Variants in VARS1 observed in about 807,000 individuals in gnomAD.
VARS1 encodes valine--tRNA ligase.
In VARS1, 92 loss-of-function variants were observed where a neutral mutation model predicts 161.0. That is an observed-to-expected ratio of 0.57 (90% CI 0.48 to 0.68). The LOEUF (loss-of-function observed/expected upper bound fraction) is 0.68. VARS1 is among the 30% of genes least tolerant of loss of function. The pLI, the probability that VARS1 is intolerant of heterozygous loss-of-function variation, is 0.00. For missense variants in VARS1, 1,338 were observed against 1,695.9 expected (o/e 0.79, Z 3.71); for synonymous variants, 595 against 682.5 (o/e 0.87, Z 2.00).
Position 31,781,740 on chromosome 6 carries a change from C to G in VARS1, c.2369G>C (p.Trp790Ser). 1 of 1,613,056 alleles carries G rather than the reference C, an allele frequency of 6.2e-7. No individual in the cohort carries two copies. Among genetic ancestry groups the G allele is most frequent in the Non-Finnish European group, 8.5e-7 (1 of 1,180,008 alleles). The change falls in exon 20 of 30, where the codon TGG becomes TCG. Residue 790 changes from tryptophan (W) to serine (S), a missense_variant. This residue lies in a region of VARS1 where 902 missense variants were observed against 1,090.3 expected (regional missense o/e 0.83). Coordinates refer to ENST00000375663, the MANE Select transcript of VARS1 (RefSeq NM_006295.3). The surrounding 1 kb of genome is among the most constrained non-coding windows in gnomAD (Gnocchi z 6.8). Reference protein sequence around the residue: ...LQQDEDVLDTWFSSGLFPLSI... With the variant: ...LQQDEDVLDTSFSSGLFPLSI... ...TAAGGGGAAGAGGCCAGAGGAGAACCAGGTATCCAATACATCCTCATCTGA... is the reference window on the plus strand; with the variant it reads ...TAAGGGGAAGAGGCCAGAGGAGAACGAGGTATCCAATACATCCTCATCTGA...
In VARS1 at chr6:31,780,195, G is replaced by A; in HGVS notation, c.2926-42C>T. On this transcript the variant is annotated intron_variant, in intron 25 of 29. Coordinates refer to ENST00000375663, the MANE Select transcript of VARS1 (RefSeq NM_006295.3). This position sits in a 1 kb window ranked among gnomAD's most constrained non-coding sequence, Gnocchi z 5.1. ...GTATCAGCCGGCGGGCCAGGGGAGG[G>A]TGCCAGAACCCCATGGGGGCAGGAG... 1 of 1,607,904 alleles carries A rather than the reference G, an allele frequency of 6.2e-7. No homozygotes were observed. Among genetic ancestry groups the A allele is most frequent in the Non-Finnish European group, 8.5e-7 (1 of 1,178,852 alleles).
rs375429497 is a variant in VARS1, at chr6:31,782,705, C to A, written c.1887+16G>T. 1.9e-6 allele frequency: 3 copies of A among 1,612,876 alleles called. No homozygotes were observed. In the African/African-American group the frequency reaches 4.0e-5, roughly 22 times the overall value. On this transcript the variant is annotated intron_variant, in intron 15 of 29. Coordinates refer to ENST00000375663, the MANE Select transcript of VARS1 (RefSeq NM_006295.3). The surrounding 1 kb of genome is among the most constrained non-coding windows in gnomAD (Gnocchi z 8.3). ...CATCTCCCTGACCCGGGCACTCTTG[C>A]CTCAGGCAGCCTCACCAGGAAAGGC... is the stretch of plus-strand genomic sequence containing the variant.
chr6:31,782,211 C>G lies in VARS1; in HGVS notation c.2151-34G>C. 6.2e-7 allele frequency: 1 copy of G among 1,611,414 alleles called. No individual in the cohort carries two copies. Among genetic ancestry groups the G allele is most frequent in the African/African-American group, 1.3e-5 (1 of 75,038 alleles). Reference sequence around the variant, plus strand: ...GTCGGGGAGGAGAAATCAGGGAGGGCCTGATGGAGCCTGGCCCGAGTGAGC... The same window carrying G: ...GTCGGGGAGGAGAAATCAGGGAGGGGCTGATGGAGCCTGGCCCGAGTGAGC... On this transcript the variant is annotated intron_variant, in intron 17 of 29. Coordinates refer to ENST00000375663, the MANE Select transcript of VARS1 (RefSeq NM_006295.3). This position sits in a 1 kb window ranked among gnomAD's most constrained non-coding sequence, Gnocchi z 8.3.
chr6:31,789,251 C>CA lies in VARS1; in HGVS notation c.1100+2358dup, dbSNP rs201078154. On this transcript the variant is annotated intron_variant, in intron 8 of 29. Coordinates refer to ENST00000375663, the MANE Select transcript of VARS1 (RefSeq NM_006295.3). ...ATACCCAGAACAGGTAAAGAATTCT[C>CA]AAAAAAAAAATTAAAAAGAAAAAGA... Among the ~76,000 whole-genome samples the CA allele has an allele frequency of 1.6e-3, 227 of 142,700 alleles. 3 individuals carry two copies. The South Asian group carries it at 0.039, about 25-fold the overall frequency. 93.6% of individuals were successfully genotyped at this position (142,700 alleles called of 152,430 possible). A position where few individuals can be genotyped will look rare whatever the true frequency, so the allele number is the denominator to read the frequency against.
At chr6:31,788,617 C>T (rs1813669555) in intron 8 of VARS1, among the ~76,000 whole-genome samples, 3 of 149,990 alleles carry the variant, frequency 2.0e-5, no homozygotes, top group Admixed American at 1.3e-4. Flanking sequence ...CCATCCTGGC[C>T]GACAGGGTGA....
rs768532513 is a variant in VARS1 at position 31,785,633 on chromosome 6, C to T, written c.1201G>A (p.Gly401Arg). Reference sequence around the variant, plus strand: ...CGGCCCAGCTGGTGCCGGCTCAGTCCCTGCTCACGCCATAGCTTCTTCTCC... The same window carrying T: ...CGGCCCAGCTGGTGCCGGCTCAGTCTCTGCTCACGCCATAGCTTCTTCTCC... ...VVEKKLWREQ[G>R]LSRHQLGREA... The change falls in exon 9 of 30, where the codon GGA (glycine) becomes AGA (arginine). Residue 401 changes from glycine to arginine, a missense_variant. Physicochemically the swap from Gly to Arg is moderately radical, Grantham distance 125. Transcript: ENST00000375663. This position sits in a 1 kb window ranked among gnomAD's most constrained non-coding sequence, Gnocchi z 6.1. The T allele has an allele frequency of 1.2e-6, 2 of 1,613,018 alleles. No individual in the cohort carries two copies. Among genetic ancestry groups the T allele is most frequent in the South Asian group, 1.1e-5 (1 of 91,090 alleles).
intron 8 of VARS1, among the ~76,000 whole-genome samples, chr6:31,787,884 C>T (rs1267917931): frequency 6.6e-6 from 1 of 151,936 alleles, no homozygotes; most frequent in Non-Finnish European, 1.5e-5. Flanking sequence ...TTTGGGACGC[C>T]GAGGTACGCG....
chr6:31,792,765 T>C lies in VARS1; in HGVS notation c.653A>G (p.His218Arg). Reference sequence around the variant, plus strand: ...TCCTCGCCCTTCCTCACCTGGCTGATGAGAGAGAGGCCTGGCTCCTGAGTA... The same window carrying C: ...TCCTCGCCCTTCCTCACCTGGCTGACGAGAGAGAGGCCTGGCTCCTGAGTA... ...VLYSGARPLS[H>R]QPGPEAPALP... Residue 218 changes from histidine (H) to arginine (R), a missense_variant, in exon 4 of 30, where the codon CAT (histidine) becomes CGT (arginine). Around this residue, in one of 3 missense-constraint regions of VARS1, gnomAD observed 902 missense variants for 1,090.3 expected, o/e 0.83. Coordinates refer to ENST00000375663, the MANE Select transcript of VARS1 (RefSeq NM_006295.3). 2 of 1,613,342 alleles carry C rather than the reference T, an allele frequency of 1.2e-6. No homozygotes were observed. Among genetic ancestry groups the C allele is most frequent in the Non-Finnish European group, 1.7e-6 (2 of 1,179,356 alleles).
At chr6:31,793,686 G>C (rs1463643662) in intron 2 of VARS1, among the ~76,000 whole-genome samples, 1 of 152,142 alleles carries the variant, frequency 6.6e-6, no homozygotes, top group Non-Finnish European at 1.5e-5. Context: ...AGGAAAACAC[G>C]AACAGATGGA....
intron 8 of VARS1, among the ~76,000 whole-genome samples, chr6:31,786,310 C>T (rs976212574): frequency 1.1e-4 from 17 of 151,458 alleles, no homozygotes; most frequent in African/African-American, 3.6e-4. Context: ...AGCTGGAACC[C>T]TTGTGATTCT....
chr6:31,791,144 C>T lies in VARS1; in HGVS notation c.1100+466G>A, dbSNP rs1316904321. ...CCGGCCTGGGCAACAGAACAAGACT[C>T]TGTCCCCCCAAAAAAAAATATATAT... On this transcript the variant is annotated intron_variant, in intron 8 of 29. Coordinates refer to ENST00000375663, the MANE Select transcript of VARS1 (RefSeq NM_006295.3). The surrounding 1 kb of genome is among the most constrained non-coding windows in gnomAD (Gnocchi z 5.0). Among the ~76,000 whole-genome samples, 2 of 151,948 alleles carry T rather than the reference C, an allele frequency of 1.3e-5. No homozygotes were observed. Among genetic ancestry groups the T allele is most frequent in the African/African-American group, 4.8e-5 (2 of 41,366 alleles).
intron 5 of VARS1, 30 bp downstream of exon 5, chr6:31,792,362 A>G (rs760252349): frequency 1.2e-6 from 2 of 1,613,716 alleles, no homozygotes; most frequent in Non-Finnish European, 1.7e-6. Context: ...GCACACATCA[A>G]CTTTCCTTCC....
chr6:31,789,749 A>C (rs1345337947), intron 8 of VARS1, among the ~76,000 whole-genome samples: 1 of 152,172 alleles, frequency 6.6e-6, no homozygotes, highest in Non-Finnish European at 1.5e-5. Context: ...GGCTGGGAGC[A>C]GTGGCTCACG....
chr6:31,784,170 C>CT lies in VARS1; in HGVS notation c.1671+43dup. Reference sequence around the variant, plus strand: ...CCTCCACCCCATAAGGATGGGAGCCCTTTTTGGCCAGAACTCCTTCCCTAA... The same window carrying CT: ...CCTCCACCCCATAAGGATGGGAGCCCTTTTTTGGCCAGAACTCCTTCCCTAA... On this transcript the variant is annotated intron_variant, in intron 13 of 29. Coordinates refer to ENST00000375663, the MANE Select transcript of VARS1 (RefSeq NM_006295.3). The surrounding 1 kb of genome is among the most constrained non-coding windows in gnomAD (Gnocchi z 6.1). The CT allele has an allele frequency of 6.2e-7, 1 of 1,611,666 alleles. No individual in the cohort carries two copies. Among genetic ancestry groups the CT allele is most frequent in the South Asian group, 1.1e-5 (1 of 90,868 alleles).
At position 31,780,698 on chromosome 6, in the gene VARS1, G is replaced by A; in HGVS notation, c.2797+7C>T. 1 of 1,614,108 alleles carries A rather than the reference G, an allele frequency of 6.2e-7. No individual in the cohort carries two copies. The highest frequency in any genetic ancestry group is 1.1e-5 in the South Asian group (1 of 91,088). On this transcript the variant is annotated splice_region_variant and intron_variant, in intron 24 of 29. Transcript: ENST00000375663. This position sits in a 1 kb window ranked among gnomAD's most constrained non-coding sequence, Gnocchi z 5.1. ...AGTGGCTGGGAGGGACGCTTTGGGG[G>A]CCATACCCTGGGACATGTAGGCACA...
chr6:31,780,487 G>A lies in VARS1; in HGVS notation c.2879C>T (p.Ala960Val). 2 of 1,614,070 alleles carry A rather than the reference G, an allele frequency of 1.2e-6. No individual in the cohort carries two copies. Among genetic ancestry groups the A allele is most frequent in the Non-Finnish European group, 1.7e-6 (2 of 1,180,006 alleles). The change falls in exon 25 of 30, where the codon GCC becomes GTC. Residue 960 changes from alanine to valine, a missense_variant. Physicochemically the swap from Ala to Val is moderately conservative, Grantham distance 64. Transcript: ENST00000375663. The surrounding 1 kb of genome is among the most constrained non-coding windows in gnomAD (Gnocchi z 5.1). Reference sequence around the variant, plus strand: ...AAAACCCTTCCCAAGGCCACGAAGGGCAAACTTGGTGGCATTCCAGAGCTT... The same window carrying A: ...AAAACCCTTCCCAAGGCCACGAAGGACAAACTTGGTGGCATTCCAGAGCTT... ...CNKLWNATKF[A>V]LRGLGKGFVP...
At position 31,782,821 on chromosome 6, in the gene VARS1, T is replaced by A. The variant is rs946811800; in HGVS notation, c.1787A>T (p.His596Leu). The change falls in exon 15 of 30, where the codon CAT becomes CTT. Residue 596 changes from histidine to leucine, a missense_variant. By Grantham distance (99) the His-to-Leu change is moderately conservative. Coordinates refer to ENST00000375663, the MANE Select transcript of VARS1 (RefSeq NM_006295.3). The surrounding 1 kb of genome is among the most constrained non-coding windows in gnomAD (Gnocchi z 8.3). ...GTGAVKITPA[H>L]DQNDYEVGQR... ...CCCAACTTCATAGTCATTTTGGTCA[T>A]GTGCGGGGGTGATCTTCACAGCACC... is the stretch of plus-strand genomic sequence containing the variant. The A allele has an allele frequency of 6.2e-7, 1 of 1,612,622 alleles. No individual in the cohort carries two copies. Among genetic ancestry groups the A allele is most frequent in the Non-Finnish European group, 8.5e-7 (1 of 1,179,890 alleles).
rs371214681 is a variant in VARS1 at position 31,793,377 on chromosome 6, G to A, written c.388-257C>T. 6.6e-5 allele frequency among the ~76,000 whole-genome samples: 10 copies of A among 151,206 alleles called. No homozygotes were observed. In the East Asian group the frequency reaches 1.6e-3, roughly 24 times the overall value. ...AAAAAATAGCCAGGCGTGGTGGCGG[G>A]CGCCTGTAGTCCCAGCTACTCGGGA... On this transcript the variant is annotated intron_variant, in intron 2 of 29. Transcript: ENST00000375663.
In VARS1 at chr6:31,780,018, C is replaced by G. The variant is rs772486359; in HGVS notation, c.3061G>C (p.Glu1021Gln). The stretch of plus-strand genomic sequence containing the variant: ...CTCACCAAGTAGACATCACAGAGCT[C>G]ATAGAGCCAGAAGCTGTACTGGGCA... ...TTAQYSFWLY[E>Q]LCDVYLECLK... Residue 1021 changes from glutamate (E) to glutamine (Q), a missense_variant, in exon 26 of 30, where the codon GAG becomes CAG. By Grantham distance (29) the Glu-to-Gln change is conservative (BLOSUM62 2). This residue lies in a region of VARS1 where 433 missense variants were observed against 586.2 expected (regional missense o/e 0.74). Coordinates refer to ENST00000375663, the MANE Select transcript of VARS1 (RefSeq NM_006295.3). This position sits in a 1 kb window ranked among gnomAD's most constrained non-coding sequence, Gnocchi z 5.1. 6.2e-7 allele frequency: 1 copy of G among 1,614,014 alleles called. No homozygotes were observed. The highest frequency in any genetic ancestry group is 1.1e-5 in the South Asian group (1 of 91,082).
Sources: allele counts gnomAD v4.1 joint callset (sites outside exome capture counted in the v4.1 genomes callset), GRCh38; gene constraint gnomAD v4.1.1; regional missense constraint gnomAD v4.1.1; non-coding constraint Gnocchi (gnomAD v3.1); transcripts MANE v1.5; gene names NCBI Gene and HGNC (gene_info 2026-07-23, HGNC 2026-07-21).